FBXL19: variants seen among roughly 807,000 people sequenced by gnomAD.
FBXL19 encodes the protein F-box/LRR-repeat protein 19.
FBXL19 carries 16 observed loss-of-function variants against 71.2 expected under a neutral mutation model. The ratio of observed to expected loss-of-function variants is 0.22; its 90% CI spans 0.15 to 0.34. The LOEUF is 0.34. Ranked by LOEUF, FBXL19 falls within the 10% of genes least tolerant of loss-of-function variation. The probability of loss-of-function intolerance (pLI) is 1.00; values close to 1 mark genes in which losing one functional copy is unlikely to be tolerated. For synonymous variants in FBXL19, 447 were observed against 409.4 expected, an observed-to-expected ratio of 1.09 and a Z score of -1.11; for missense variants, 658 against 968.2, an observed-to-expected ratio of 0.68 and a Z score of 4.25.
chr16:30,935,259 C>T (rs2055719776), intron 7 of FBXL19, among the ~76,000 whole-genome samples: 1 of 152,050 alleles, frequency 6.6e-6, no homozygotes, highest in Non-Finnish European at 1.5e-5. Context: ...ACCTGGCGGA[C>T]AGTGGGCAGT....
chr16:30,924,888 C>A, intron 1 of FBXL19: 4 of 756,300 alleles, frequency 5.3e-6, no homozygotes, highest in South Asian at 3.5e-5. Context: ...GAAAGCAGCC[C>A]GGGAAGCTGG....
intron 9 of FBXL19, among the ~76,000 whole-genome samples, chr16:30,944,265 T>G (rs2055834504): frequency 6.6e-6 from 1 of 150,662 alleles, no homozygotes; most frequent in African/African-American, 2.4e-5. Flanking sequence ...ATGGGTAAAC[T>G]TGTGTCATGG....
chr16:30,944,539 C>T (rs1596658130), intron 9 of FBXL19, among the ~76,000 whole-genome samples: 1 of 152,098 alleles, frequency 6.6e-6, no homozygotes, highest in African/African-American at 2.4e-5. Flanking sequence ...TTTATGGCTG[C>T]ATAGTATTCC....
chr16:30,928,410 C>T lies in FBXL19; in HGVS notation c.628-57C>T, dbSNP rs2055628748. ...AGGGCATGGACCTTAGATTTCTGGCCCATGAGGGCCTAATGGGGTCTCTCC... is the reference window on the plus strand; with the variant it reads ...AGGGCATGGACCTTAGATTTCTGGCTCATGAGGGCCTAATGGGGTCTCTCC... On this transcript the variant is annotated intron_variant, in intron 5 of 10. Transcript: ENST00000338343. 3.4e-6 allele frequency: 5 copies of T among 1,462,162 alleles called. No individual in the cohort carries two copies. In the Admixed American group the frequency reaches 1.3e-4, roughly 38 times the overall value. The allele number at this position is 1,462,162 out of a possible 1,614,324, so 90.6% of individuals were successfully genotyped here.
At chr16:30,940,699 C>T (rs1280553256) in intron 7 of FBXL19, among the ~76,000 whole-genome samples, 2 of 152,046 alleles carry the variant, frequency 1.3e-5, no homozygotes, top group African/African-American at 4.8e-5. Flanking sequence ...TGGAGTCTCT[C>T]ACTGTTGCCC....
Position 30,928,489 on chromosome 16 carries a change from A to G in FBXL19, c.650A>G (p.His217Arg). The G allele has an allele frequency of 6.3e-7, 1 of 1,593,914 alleles. No homozygotes were observed. The highest frequency in any genetic ancestry group is 8.5e-7 in the Non-Finnish European group (1 of 1,170,056). Residue 217 changes from histidine to arginine, a missense_variant, in exon 6 of 11, where the codon CAC (histidine) becomes CGC (arginine). Physicochemically the swap from His to Arg is conservative, Grantham distance 29. Transcript: ENST00000338343. ...RKKVKGGRER[H>R]LKKVGGDACL... The stretch of plus-strand genomic sequence containing the variant: ...TAGGTGAAAGGAGGCCGAGAGAGGC[A>G]CCTGAAGAAGGTGGGTGGAGACGCC...
At chr16:30,943,615 C>T in intron 9 of FBXL19, among the ~76,000 whole-genome samples, 1 of 152,002 alleles carries the variant, frequency 6.6e-6, no homozygotes, top group East Asian at 1.9e-4. Context: ...ACCTCATGAT[C>T]CGCCTGCCTC....
intron 7 of FBXL19, among the ~76,000 whole-genome samples, chr16:30,931,158 C>G (rs919234848): frequency 3.9e-5 from 6 of 152,080 alleles, no homozygotes; most frequent in Admixed American, 3.9e-4. Flanking sequence ...CATCCCCCAG[C>G]CCCCCAGCCT....
chr16:30,923,165 CGGAGGGTTGTGGACA>C (rs1567336266), upstream of FBXL19: 4 of 456,514 alleles, frequency 8.8e-6, no homozygotes, highest in Non-Finnish European at 1.3e-5. Flanking sequence ...ACCACACACG[CGGAGGGTTGTGGACA>C]GGAGGGCGTG....
In FBXL19 at chr16:30,927,760, C is replaced by T; in HGVS notation, c.424C>T (p.Pro142Ser). Residue 142 changes from proline (P) to serine (S), a missense_variant, in exon 5 of 11, where the codon CCT becomes TCT. This residue lies in a region of FBXL19 where 447 missense variants were observed against 515.4 expected (regional missense o/e 0.87). Coordinates refer to ENST00000338343, the MANE Select transcript of FBXL19 (RefSeq NM_001382779.1). The stretch of plus-strand genomic sequence containing the variant: ...TCCCGCCTAGGATTCAGGTGAGGGG[C>T]CTGGCCGCCGTAGGGCCGACAACGG... ...GRTSKDSGEG[P>S]GRRRADNGEE... is the part of the protein sequence containing the mutation. 1 of 1,556,666 alleles carries T rather than the reference C, an allele frequency of 6.4e-7. No homozygotes were observed.
chr16:30,930,039 G>T lies in FBXL19; in HGVS notation c.790-34G>T, dbSNP rs375537844. On this transcript the variant is annotated intron_variant, in intron 6 of 10. Coordinates refer to ENST00000338343, the MANE Select transcript of FBXL19 (RefSeq NM_001382779.1). This position sits in a 1 kb window ranked among gnomAD's most constrained non-coding sequence, Gnocchi z 8.5. ...AGGGGGGTGGGAAAATGTATCCCAG[G>T]CCCTAGAACAGCATCAACCCTGTCT... is the stretch of plus-strand genomic sequence containing the variant. 25 of 1,586,400 alleles carry T rather than the reference G, an allele frequency of 1.6e-5. No individual in the cohort carries two copies. Among genetic ancestry groups the T allele is most frequent in the African/African-American group, 1.5e-4 (11 of 74,350 alleles).
intron 9 of FBXL19, among the ~76,000 whole-genome samples, chr16:30,945,612 G>A (rs542841747): frequency 3.1e-4 from 46 of 149,712 alleles, no homozygotes; most frequent in African/African-American, 1.0e-3. Context: ...GCAGTGAGCC[G>A]AGATTGCACC....
intron 4 of FBXL19, 43 bp downstream of exon 4, chr16:30,927,702 G>A: frequency 1.9e-6 from 3 of 1,557,352 alleles, no homozygotes; most frequent in Non-Finnish European, 2.6e-6. Flanking sequence ...GTGGGTGTTG[G>A]GGAGCTGTGC....
chr16:30,923,461 T>G (rs1596647774), upstream of FBXL19, among the ~76,000 whole-genome samples: 2 of 116,970 alleles, frequency 1.7e-5, no homozygotes, highest in Non-Finnish European at 1.8e-5. Flanking sequence ...AAAGTGGAGG[T>G]GGTGGAGGAA....
Position 30,924,475 on chromosome 16 carries a change from T to G in FBXL19, c.-25+16T>G, listed in dbSNP as rs1458235458. 1.5e-5 allele frequency: 7 copies of G among 459,672 alleles called. No homozygotes were observed. Among genetic ancestry groups the G allele is most frequent in the Non-Finnish European group, 1.8e-5 (5 of 283,616 alleles). The allele number at this position is 459,672 out of a possible 1,614,324, so 28.5% of individuals were successfully genotyped here. Reference sequence around the variant, plus strand: ...CACGTGTGAGGTGGGTTCATGCGGCTCCTCCTCACCCCCAGACCTGGGCAG... The same window carrying G: ...CACGTGTGAGGTGGGTTCATGCGGCGCCTCCTCACCCCCAGACCTGGGCAG... On this transcript the variant is annotated intron_variant, in intron 1 of 10. Transcript: ENST00000338343.
intron 9 of FBXL19, among the ~76,000 whole-genome samples, chr16:30,944,814 GTA>G (rs1423818908): frequency 6.6e-6 from 1 of 152,176 alleles, no homozygotes; most frequent in Non-Finnish European, 1.5e-5. Context: ...ATCTGTAAAG[GTA>G]TCCCCTCTCC....
Position 30,947,178 on chromosome 16 carries a change from C to T in FBXL19, c.1973C>T (p.Pro658Leu). The stretch of plus-strand genomic sequence containing the variant: ...TGTGCCCGGCTGGCAGCTGCCGGGC[C>T]CCCTGGCCCCTTCCGCTGCCCTGAG... ...EACARLAAAGPPGPFRCPEEK... is the reference protein window; with the variant it reads ...EACARLAAAGLPGPFRCPEEK... Residue 658 changes from proline to leucine, a missense_variant, in exon 11 of 11, where the codon CCC becomes CTC. Coordinates refer to ENST00000338343, the MANE Select transcript of FBXL19 (RefSeq NM_001382779.1). 4.4e-6 allele frequency: 7 copies of T among 1,599,336 alleles called. No homozygotes were observed. The highest frequency in any genetic ancestry group is 5.1e-6 in the Non-Finnish European group (6 of 1,179,430).
intron 7 of FBXL19, among the ~76,000 whole-genome samples, chr16:30,937,032 G>T (rs930985913): frequency 6.6e-6 from 1 of 152,070 alleles, no homozygotes; most frequent in Non-Finnish European, 1.5e-5. Flanking sequence ...GTGAGCCACC[G>T]CACACGCTTG....
intron 9 of FBXL19, among the ~76,000 whole-genome samples, chr16:30,945,849 G>GAAAAC (rs2055852738): frequency 1.2e-5 from 1 of 86,818 alleles, no homozygotes; most frequent in African/African-American, 5.6e-5. Flanking sequence ...CCGTCTCGGG[G>GAAAAC]AAAAAAAAAA....
Sources: gnomAD v4.1 joint callset for allele counts (sites outside exome capture counted in the v4.1 genomes callset) on GRCh38, gnomAD v4.1.1 for gene constraint, gnomAD v4.1.1 regional missense constraint, Gnocchi (gnomAD v3.1) non-coding constraint, MANE v1.5 for transcripts, NCBI Gene and HGNC (gene_info 2026-07-23, HGNC 2026-07-21) for gene names.